CLUH: variants seen among roughly 807,000 people sequenced by gnomAD.
CLUH encodes the protein CLUH binding protein of NUMT mRNA.
CLUH carries 77 observed loss-of-function variants against 139.3 expected under a neutral mutation model. The ratio of observed to expected loss-of-function variants is 0.55; its 90% CI spans 0.46 to 0.67. The LOEUF (loss-of-function observed/expected upper bound fraction) is 0.67. CLUH is among the 30% of genes least tolerant of loss of function. The pLI is 0.00. For missense variants in CLUH, 1,876 were observed against 1,875.8 expected (o/e 1.00, Z 0.00); for synonymous variants, 999 against 801.6 (o/e 1.25, Z -4.16).
At chr17:2,691,948 C>T (rs2069671445) in intron 23 of CLUH, 53 bp from the exon 24 acceptor site, 2 of 1,172,214 alleles carry the variant, frequency 1.7e-6, no homozygotes, top group Non-Finnish European at 2.2e-6. Context: ...CGGCCCCGCC[C>T]CCGCCCCGCC....
chr17:2,692,509 G>A (rs1485003613), intron 21 of CLUH, 27 bp from the exon 22 acceptor site: 39 of 1,597,234 alleles, frequency 2.4e-5, no homozygotes, highest in Non-Finnish European at 3.2e-5. Context: ...GGGGGCCCTG[G>A]TCAGCTCCCG....
chr17:2,694,365 G>A (rs1025479371), intron 17 of CLUH, 89 bp from the exon 18 acceptor site: 25 of 1,521,212 alleles, frequency 1.6e-5, no homozygotes, highest in Admixed American at 6.0e-5. Context: ...GCGCACAGAC[G>A]GCTACCGTGA....
chr17:2,698,065 G>A lies in CLUH; in HGVS notation c.1792C>T (p.Arg598Cys), dbSNP rs2151706932. Reference sequence around the variant, plus strand: ...CGCAGCAGGTCGAGGATGTAGTGGCGCCCGTCGTTGCCAATGATGCCCTTG... The same window carrying A: ...CGCAGCAGGTCGAGGATGTAGTGGCACCCGTCGTTGCCAATGATGCCCTTG... Reference protein sequence around the residue: ...ECKGIIGNDGRHYILDLLRTF... With the variant: ...ECKGIIGNDGCHYILDLLRTF... Residue 598 changes from arginine to cysteine, a missense_variant, in exon 10 of 26, where the codon CGC becomes TGC. Arg to Cys is a radical substitution (Grantham distance 180). This residue lies in a region of CLUH where 1,454 missense variants were observed against 1,384.4 expected (regional missense o/e 1.05). Coordinates refer to ENST00000651024, the MANE Select transcript of CLUH (RefSeq NM_001366661.1). 1.9e-6 allele frequency: 3 copies of A among 1,606,058 alleles called. No individual in the cohort carries two copies. Among genetic ancestry groups the A allele is most frequent in the East Asian group, 2.2e-5 (1 of 44,718 alleles).
chr17:2,691,135 C>G (rs1029670616), intron 25 of CLUH, among the ~76,000 whole-genome samples: 2 of 151,992 alleles, frequency 1.3e-5, no homozygotes, highest in African/African-American at 2.4e-5. Flanking sequence ...CCTCAGCCCC[C>G]CCCCGCCGCA....
intron 16 of CLUH, 35 bp downstream of exon 16, chr17:2,694,822 T>TACCACCCCCCCCCCCCC: frequency 7.4e-7 from 1 of 1,346,326 alleles, no homozygotes; most frequent in Non-Finnish European, 1.0e-6. Flanking sequence ...ATCTGCCCAA[T>TACCACCCCCCCCCCCCC]CCCACCCACC....
Position 2,690,748 on chromosome 17 carries a change from T to C in CLUH, c.3893A>G (p.Glu1298Gly), listed in dbSNP as rs755035595. 1.3e-6 allele frequency: 2 copies of C among 1,532,434 alleles called. No homozygotes were observed. The highest frequency in any genetic ancestry group is 1.7e-6 in the Non-Finnish European group (2 of 1,149,210). 94.9% of individuals were successfully genotyped at this position (1,532,434 alleles called of 1,614,324 possible). A position where few individuals can be genotyped will look rare whatever the true frequency, so the allele number is the denominator to read the frequency against. Residue 1298 changes from glutamate (E) to glycine (G), a missense_variant, in exon 26 of 26, where the codon GAG becomes GGG. By Grantham distance (98) the Glu-to-Gly change is moderately conservative. This residue lies in a region of CLUH where 1,454 missense variants were observed against 1,384.4 expected (regional missense o/e 1.05). Coordinates refer to ENST00000651024, the MANE Select transcript of CLUH (RefSeq NM_001366661.1). Reference sequence around the variant, plus strand: ...CTGGAGCTGGTGCCGCCGCGCCACCTCGGCTTTCAGATTCTCCAGGTCTTT... The same window carrying C: ...CTGGAGCTGGTGCCGCCGCGCCACCCCGGCTTTCAGATTCTCCAGGTCTTT... ...SQKDLENLKA[E>G]VARRHQLQEA... is the part of the protein sequence containing the mutation.
chr17:2,703,550 C>T lies in CLUH; in HGVS notation c.304-61G>A. On this transcript the variant is annotated intron_variant, in intron 2 of 25. Transcript: ENST00000651024. This position sits in a 1 kb window ranked among gnomAD's most constrained non-coding sequence, Gnocchi z 4.2. ...AGCACGTAGCGGGGAGAGAAGGCCC[C>T]AACCGCCCCGGTGAGAGGCCACGTA... The T allele has an allele frequency of 1.9e-6, 3 of 1,559,890 alleles. No homozygotes were observed. Among genetic ancestry groups the T allele is most frequent in the Non-Finnish European group, 2.6e-6 (3 of 1,143,506 alleles).
chr17:2,691,951 GCCCCGCCACGCCCCCGCCCCGCCCCCGC>G (rs74871780), intron 23 of CLUH, 25 bp downstream of exon 23: 34,021 of 1,098,564 alleles, frequency 0.031, 2,732 homozygotes, highest in Non-Finnish European at 0.031. Context: ...CCCCGCCCCC[GCCCCGCCACGCCCCCGCCCCGCCCCCGC>G]CCCCGCCACG....
rs752614619 is a variant in CLUH at position 2,700,689 on chromosome 17, T to C, written c.1162A>G (p.Ile388Val). 5 of 1,526,552 alleles carry C rather than the reference T, an allele frequency of 3.3e-6. No individual in the cohort carries two copies. The highest frequency in any genetic ancestry group is 4.5e-5 in the East Asian group (2 of 44,212). 94.6% of individuals were successfully genotyped at this position (1,526,552 alleles called of 1,614,324 possible). A position where few individuals can be genotyped will look rare whatever the true frequency, so the allele number is the denominator to read the frequency against. Reference protein sequence around the residue: ...YTSRLGYEEHIPGQTRDWNEE... With the variant: ...YTSRLGYEEHVPGQTRDWNEE... ...CAGGTTGCAGGCACCTGTCCAGGAA[T>C]GTGCTCCTCATAGCCCAGCCTCGAG... is the stretch of plus-strand genomic sequence containing the variant. The change falls in exon 8 of 26, where the codon ATT (isoleucine) becomes GTT (valine). Residue 388 changes from isoleucine to valine, a missense_variant. This residue lies in a region of CLUH where 1,454 missense variants were observed against 1,384.4 expected (regional missense o/e 1.05). Coordinates refer to ENST00000651024, the MANE Select transcript of CLUH (RefSeq NM_001366661.1).
In CLUH at chr17:2,693,918, G is replaced by T; in HGVS notation, c.3213C>A (p.Ile1071=). The T allele has an allele frequency of 6.2e-7, 1 of 1,613,330 alleles. No individual in the cohort carries two copies. Among genetic ancestry groups the T allele is most frequent in the Non-Finnish European group, 8.5e-7 (1 of 1,179,628 alleles). ...AGGGTACCTCTGCGTAGTCGCCCAT[G>T]ATGTAGTGGAGGCGGGCGAGGAGGC... The part of the protein sequence containing the change: ...CLRLLARLHY[I]MGDYAEALSN... Residue 1071 remains isoleucine, a synonymous_variant, in exon 19 of 26, where the codon ATC becomes ATA. Transcript: ENST00000651024.
rs759776606 is a variant in CLUH at position 2,691,594 on chromosome 17, G to T, written c.3863+15C>A. ...CCCCCAACCGGGAGACACTCGAGTG[G>T]GGCGGAGGCCTCACCTGAGAGGAAT... On this transcript the variant is annotated intron_variant, in intron 25 of 25. Transcript: ENST00000651024. 6 of 1,609,676 alleles carry T rather than the reference G, an allele frequency of 3.7e-6. No individual in the cohort carries two copies. Among genetic ancestry groups the T allele is most frequent in the South Asian group, 1.1e-5 (1 of 90,508 alleles).
intron 1 of CLUH, among the ~76,000 whole-genome samples, chr17:2,705,830 C>A (rs774519977): frequency 1.6e-4 from 25 of 152,210 alleles, no homozygotes; most frequent in Non-Finnish European, 3.4e-4. Context: ...GAGCAGGTGA[C>A]AAAACCTTGC....
At chr17:2,708,867 G>GCC (rs2070428688) in intron 1 of CLUH, among the ~76,000 whole-genome samples, 1 of 86,886 alleles carries the variant, frequency 1.2e-5, no homozygotes, top group African/African-American at 3.7e-5. Context: ...ACTCGGGGGG[G>GCC]GGGGAGCAGA....
At position 2,691,997 on chromosome 17, in the gene CLUH, C is replaced by CCCCACT; in HGVS notation, c.3654+6_3654+7insAGTGGG. On this transcript the variant is annotated splice_region_variant and intron_variant, in intron 23 of 25. Coordinates refer to ENST00000651024, the MANE Select transcript of CLUH (RefSeq NM_001366661.1). The stretch of plus-strand genomic sequence containing the variant: ...GCCCCCGCCCCCGCCACGCCCCCGC[C>CCCCACT]GCGCACCTGCGTCTTGTAGATGGTG... 1 of 1,329,188 alleles carries CCCCACT rather than the reference C, an allele frequency of 7.5e-7. No individual in the cohort carries two copies. 82.3% of individuals were successfully genotyped at this position (1,329,188 alleles called of 1,614,324 possible).
chr17:2,704,539 G>A lies in CLUH; in HGVS notation c.126C>T (p.Asn42=), dbSNP rs1384508595. 56 of 1,572,406 alleles carry A rather than the reference G, an allele frequency of 3.6e-5. No individual in the cohort carries two copies. The highest frequency in any genetic ancestry group is 4.4e-5 in the Non-Finnish European group (51 of 1,159,492). The change falls in exon 2 of 26, where the codon AAC becomes AAT. Residue 42 remains asparagine (N), a synonymous_variant. Transcript: ENST00000651024. This position sits in a 1 kb window ranked among gnomAD's most constrained non-coding sequence, Gnocchi z 5.7. ...AAELPSVMLL[N]GDCPESLKKE... is the part of the protein sequence containing the mutation. ...TCTTCAGGCTCTCTGGGCAGTCCCC[G>A]TTTAAGAGCATGACTGATGGCAGCT...
In CLUH at chr17:2,696,703, T is replaced by C. The variant is rs1192827597; in HGVS notation, c.2185+16A>G. ...GCCAGCCCGGGCTCTCTCCCGGCCA[T>C]CTGCAGCAGCCCCACCTGTGCCGTC... On this transcript the variant is annotated intron_variant, in intron 11 of 25. Coordinates refer to ENST00000651024, the MANE Select transcript of CLUH (RefSeq NM_001366661.1). 4 of 1,610,708 alleles carry C rather than the reference T, an allele frequency of 2.5e-6. No individual in the cohort carries two copies. Among genetic ancestry groups the C allele is most frequent in the East Asian group, 2.2e-5 (1 of 44,846 alleles).
In CLUH at chr17:2,697,957, C is replaced by G; in HGVS notation, c.1900G>C (p.Ala634Pro). 1.9e-6 allele frequency: 3 copies of G among 1,566,046 alleles called. No individual in the cohort carries two copies. The Admixed American group carries it at 5.5e-5, about 29-fold the overall frequency. ...EECARAGFPR[A>P]HRHKLCCLRQ... is the part of the protein sequence containing the mutation. ...AGGCAGCAGAGCTTGTGCCGGTGGG[C>G]GCGGGGGAAGCCGGCGCGGGCGCAT... Residue 634 changes from alanine to proline, a missense_variant, in exon 10 of 26, where the codon GCC becomes CCC. By Grantham distance (27) the Ala-to-Pro change is conservative (BLOSUM62 -1). This residue lies in a region of CLUH where 1,454 missense variants were observed against 1,384.4 expected (regional missense o/e 1.05). Coordinates refer to ENST00000651024, the MANE Select transcript of CLUH (RefSeq NM_001366661.1).
At chr17:2,711,344 A>G (rs2070516296) in intron 1 of CLUH, 1 of 152,200 alleles carries the variant, frequency 6.6e-6, no homozygotes, top group Non-Finnish European at 1.5e-5. Flanking sequence ...GTGCCAGCCG[A>G]GGCTGCCCTC....
intron 18 of CLUH, 38 bp downstream of exon 18, chr17:2,694,085 G>A: frequency 1.2e-6 from 2 of 1,613,826 alleles, no homozygotes; most frequent in Non-Finnish European, 1.7e-6. Context: ...GGGCCATGGG[G>A]AACCCCCACC....
Sources: gnomAD v4.1 joint callset for allele counts (sites outside exome capture counted in the v4.1 genomes callset) on GRCh38, gnomAD v4.1.1 for gene constraint, gnomAD v4.1.1 regional missense constraint, Gnocchi (gnomAD v3.1) non-coding constraint, MANE v1.5 for transcripts, NCBI Gene and HGNC (gene_info 2026-07-23, HGNC 2026-07-21) for gene names.